The following GAB3 variants were observed in gnomAD, a reference collection of about 807,000 sequenced individuals.
GAB3 encodes the protein GRB2 associated binding protein 3.
In GAB3, 12 loss-of-function variants were observed where a neutral mutation model predicts 40.4. The observed-to-expected ratio is 0.30, with a 90% confidence interval of 0.19 to 0.48. The LOEUF (loss-of-function observed/expected upper bound fraction) is 0.48, where lower values mean the gene tolerates loss of function less well. GAB3 is among the 20% of genes least tolerant of loss of function. The pLI is 0.99. For missense variants in GAB3, 381 were observed against 461.9 expected, an observed-to-expected ratio of 0.82 and a Z score of 1.61; for synonymous variants, 154 against 176.7, an observed-to-expected ratio of 0.87 and a Z score of 1.02.
intron 4 of GAB3, among the ~76,000 whole-genome samples, chrX:154,709,904 G>A (rs1214167359): frequency 1.8e-5 from 2 of 111,701 alleles, no homozygotes; most frequent in Non-Finnish European, 3.8e-5. Flanking sequence ...CAAACTCATG[G>A]CAATAGTAAA....
intron 2 of GAB3, among the ~76,000 whole-genome samples, chrX:154,715,527 T>C (rs2071034081): frequency 9.0e-6 from 1 of 110,757 alleles, no homozygotes. Context: ...TACAACTAAT[T>C]TCCTCTGCAG....
chrX:154,723,581 T>C (rs189108629), intron 1 of GAB3, among the ~76,000 whole-genome samples: 54 of 111,746 alleles, frequency 4.8e-4, no homozygotes, highest in African/African-American at 1.6e-3. Context: ...TTGCATTTTA[T>C]GGAAACATAA....
At chrX:154,708,113 C>A (rs2148445653) in intron 4 of GAB3, among the ~76,000 whole-genome samples, 1 of 111,996 alleles carries the variant, frequency 8.9e-6, no homozygotes, top group East Asian at 2.8e-4. Context: ...GCAAAGAATA[C>A]ACAATGGAGA....
At position 154,697,170 on chromosome X, in the gene GAB3, C is replaced by T. The variant is rs1557250935; in HGVS notation, c.1389G>A (p.Arg463=). 1.7e-6 allele frequency: 2 copies of T among 1,198,975 alleles called. No individual in the cohort carries two copies. Among genetic ancestry groups the T allele is most frequent in the East Asian group, 6.0e-5 (2 of 33,407 alleles). The change falls in exon 7 of 10, where the codon CGG becomes CGA. Residue 463 remains arginine (R), a synonymous_variant. Transcript: ENST00000424127. ...PLDLRNLSII[R]EHASLTRTRT... The stretch of plus-strand genomic sequence containing the variant: ...GGGTCCTGGTAAGAGATGCATGTTC[C>T]CGGATGATCGAGAGGTTTCTCAGGT...
chrX:154,732,461 C>T (rs782352714), intron 1 of GAB3, among the ~76,000 whole-genome samples: 1 of 111,868 alleles, frequency 8.9e-6, no homozygotes. Context: ...GAATCTCTAT[C>T]TCATTCCACA....
intron 1 of GAB3, among the ~76,000 whole-genome samples, chrX:154,738,719 C>A (rs1557260835): frequency 8.9e-6 from 1 of 112,074 alleles, no homozygotes; most frequent in Non-Finnish European, 1.9e-5. Flanking sequence ...AAAATATTCT[C>A]ATATTTTCCC....
At chrX:154,708,976 AAATCT>A (rs2070863215) in intron 4 of GAB3, among the ~76,000 whole-genome samples, 1 of 111,753 alleles carries the variant, frequency 8.9e-6, no homozygotes, top group Non-Finnish European at 1.9e-5. Context: ...TGTCCCCCAC[AAATCT>A]CATGTTGAAT....
At chrX:154,713,728 A>T (rs2070994014) in intron 2 of GAB3, among the ~76,000 whole-genome samples, 1 of 70,054 alleles carries the variant, frequency 1.4e-5, no homozygotes, top group Admixed American at 1.8e-4. Flanking sequence ...TTGTTTTTTC[A>T]CTCAACTAAC....
At chrX:154,720,946 T>C (rs1239813662) in intron 1 of GAB3, among the ~76,000 whole-genome samples, 1 of 111,682 alleles carries the variant, frequency 9.0e-6, no homozygotes, top group African/African-American at 3.3e-5. Context: ...GTGCCTCTGA[T>C]AGCCTGATAT....
At chrX:154,733,196 C>T (rs2071316186) in intron 1 of GAB3, among the ~76,000 whole-genome samples, 1 of 112,080 alleles carries the variant, frequency 8.9e-6, no homozygotes, top group South Asian at 3.7e-4. Context: ...GAGCACTGGT[C>T]CAGAATATGT....
intron 1 of GAB3, among the ~76,000 whole-genome samples, chrX:154,720,386 T>C (rs1309314536): frequency 9.0e-6 from 1 of 111,459 alleles, no homozygotes; most frequent in Non-Finnish European, 1.9e-5. Flanking sequence ...CATGAGTTCA[T>C]TATGATATTA....
chrX:154,720,080 A>T (rs782620157), intron 1 of GAB3, among the ~76,000 whole-genome samples: 1 of 111,036 alleles, frequency 9.0e-6, no homozygotes, highest in Non-Finnish European at 1.9e-5. Flanking sequence ...ATTTAATACC[A>T]TATTTTTATT....
chrX:154,738,286 T>A (rs1557260788), intron 1 of GAB3, among the ~76,000 whole-genome samples: 3 of 112,529 alleles, frequency 2.7e-5, no homozygotes, highest in Non-Finnish European at 5.6e-5. Flanking sequence ...TATTTAGTTC[T>A]GGTACCAGTT....
intron 1 of GAB3, among the ~76,000 whole-genome samples, chrX:154,746,132 T>C (rs1557262027): frequency 9.1e-6 from 1 of 110,397 alleles, no homozygotes; most frequent in East Asian, 2.8e-4. Flanking sequence ...GGCCCAGATG[T>C]TTTCAATGGT....
At chrX:154,706,033 T>A (rs2070802258) in intron 4 of GAB3, among the ~76,000 whole-genome samples, 1 of 111,025 alleles carries the variant, frequency 9.0e-6, no homozygotes, top group African/African-American at 3.3e-5. Context: ...ATGAAAGAGG[T>A]GAAAGACCTG....
chrX:154,699,996 G>A lies in GAB3; in HGVS notation c.1125+8C>T. 1 of 1,200,448 alleles carries A rather than the reference G, an allele frequency of 8.3e-7. No homozygotes were observed. Among genetic ancestry groups the A allele is most frequent in the Non-Finnish European group, 1.1e-6 (1 of 886,932 alleles). ...TGATGCTTAAAAGAACCTGAATGTT[G>A]AACTTACCAAATTCAAACTAAGCCG... On this transcript the variant is annotated splice_region_variant and intron_variant, in intron 5 of 9. Coordinates refer to ENST00000424127, the MANE Select transcript of GAB3 (RefSeq NM_001081573.3).
chrX:154,728,938 C>T (rs1439150571), intron 1 of GAB3, among the ~76,000 whole-genome samples: 1 of 111,932 alleles, frequency 8.9e-6, no homozygotes, highest in Non-Finnish European at 1.9e-5. Flanking sequence ...GTACATGACT[C>T]TACACAGGTG....
At chrX:154,739,479 A>G (rs2071407134) in intron 1 of GAB3, among the ~76,000 whole-genome samples, 1 of 112,318 alleles carries the variant, frequency 8.9e-6, no homozygotes, top group Admixed American at 9.4e-5. Flanking sequence ...TAAAAGAAAA[A>G]AGATGAACTC....
At chrX:154,711,107 CTCAG>C (rs1324161062) in intron 4 of GAB3, among the ~76,000 whole-genome samples, 5 of 112,033 alleles carry the variant, frequency 4.5e-5, no homozygotes, top group Non-Finnish European at 7.5e-5. Context: ...TGACTTAATT[CTCAG>C]TCAGAATGAG....
Sources: gnomAD v4.1 joint callset for allele counts (sites outside exome capture counted in the v4.1 genomes callset) on GRCh38, gnomAD v4.1.1 for gene constraint, MANE v1.5 for transcripts, NCBI Gene and HGNC (gene_info 2026-07-23, HGNC 2026-07-21) for gene names.